The following FRMPD4 variants were observed in gnomAD, a reference collection of about 807,000 sequenced individuals.
FRMPD4 encodes FERM and PDZ domain-containing protein 4.
A neutral mutation model predicts 94.1 loss-of-function variants in FRMPD4; 22 were observed. The observed-to-expected ratio is 0.23, with a 90% CI of 0.17 to 0.33. The LOEUF (loss-of-function observed/expected upper bound fraction) is 0.33, where lower values mean the gene tolerates loss of function less well. Among genes scored for constraint, FRMPD4 ranks in the 10% least tolerant of loss-of-function variants. The probability of loss-of-function intolerance (pLI) is 1.00; values close to 1 mark genes in which losing one functional copy is unlikely to be tolerated. For synonymous variants in FRMPD4, 631 were observed against 548.6 expected (o/e 1.15, Z -2.10); for missense variants, 1,111 against 1,339.9 (o/e 0.83, Z 2.67).
At chrX:12,170,409 C>T (rs6640924) in intron 1 of FRMPD4, among the ~76,000 whole-genome samples, 8,137 of 110,274 alleles carry the variant, frequency 0.074, 890 homozygotes, top group East Asian at 0.6. Flanking sequence ...TGTTAGCATC[C>T]GTGAAATACT....
intron 2 of FRMPD4, among the ~76,000 whole-genome samples, chrX:12,592,868 G>T (rs1456408993): frequency 8.9e-6 from 1 of 111,749 alleles, no homozygotes; most frequent in African/African-American, 3.3e-5. Flanking sequence ...TGTTTTTCTA[G>T]CAGTCTCTGA....
intron 5 of FRMPD4, among the ~76,000 whole-genome samples, chrX:12,679,387 G>A (rs1384355910): frequency 3.6e-5 from 4 of 111,868 alleles, no homozygotes; most frequent in South Asian, 7.6e-4. Flanking sequence ...CAGGGGAGCC[G>A]ATTCAACCAA....
chrX:12,525,161 C>G (rs932796172), intron 2 of FRMPD4, among the ~76,000 whole-genome samples: 1 of 110,833 alleles, frequency 9.0e-6, no homozygotes, highest in South Asian at 3.9e-4. Context: ...TTTAACTAGA[C>G]AACTGATTCT....
At chrX:11,905,455 A>G (rs1483558965) in intron 3 of FRMPD4, among the ~76,000 whole-genome samples, 1 of 111,809 alleles carries the variant, frequency 8.9e-6, no homozygotes, top group East Asian at 2.8e-4. Flanking sequence ...AAATATATTT[A>G]TTGTTCATGT....
chrX:12,064,594 T>C (rs1482049990), intron 3 of FRMPD4, among the ~76,000 whole-genome samples: 1 of 111,800 alleles, frequency 8.9e-6, no homozygotes, highest in Non-Finnish European at 1.9e-5. Flanking sequence ...AATACTTGAA[T>C]GTAGAGCTTT....
chrX:12,526,921 G>A (rs2058230216), intron 2 of FRMPD4, among the ~76,000 whole-genome samples: 1 of 111,601 alleles, frequency 9.0e-6, no homozygotes, highest in East Asian at 2.8e-4. Context: ...AACACATTTA[G>A]TTTTAAGTGC....
chrX:12,052,178 A>G (rs1361389342), intron 3 of FRMPD4, among the ~76,000 whole-genome samples: 1 of 111,810 alleles, frequency 8.9e-6, no homozygotes, highest in Admixed American at 9.5e-5. Flanking sequence ...AAAGACACCA[A>G]GATTTTACCA....
At chrX:12,201,082 GTT>G (rs1426807134) in intron 1 of FRMPD4, among the ~76,000 whole-genome samples, 1 of 112,206 alleles carries the variant, frequency 8.9e-6, no homozygotes, top group African/African-American at 3.2e-5. Context: ...GGAAGGATGG[GTT>G]CTCAAGTGGA....
At chrX:12,369,812 G>C (rs988856054) in intron 1 of FRMPD4, among the ~76,000 whole-genome samples, 1 of 112,275 alleles carries the variant, frequency 8.9e-6, no homozygotes, top group African/African-American at 3.2e-5. Context: ...CTGAGGCCAA[G>C]TTCAGACAAA....
intron 1 of FRMPD4, among the ~76,000 whole-genome samples, chrX:12,364,922 C>T (rs1429016498): frequency 8.9e-6 from 1 of 112,474 alleles, no homozygotes; most frequent in Non-Finnish European, 1.9e-5. Flanking sequence ...GCACATCAGC[C>T]AGGAAAGTTA....
At chrX:12,152,666 A>G (rs1173155023) in intron 1 of FRMPD4, among the ~76,000 whole-genome samples, 5 of 111,438 alleles carry the variant, frequency 4.5e-5, no homozygotes, top group Non-Finnish European at 9.4e-5. Flanking sequence ...AGTTTAATAT[A>G]TTAAAGATAT....
At chrX:12,041,893 G>A (rs1255060592) in intron 3 of FRMPD4, among the ~76,000 whole-genome samples, 2 of 110,695 alleles carry the variant, frequency 1.8e-5, no homozygotes, top group Non-Finnish European at 3.8e-5. Context: ...TCTTTGATTC[G>A]TCTGTGTTCT....
intron 1 of FRMPD4, among the ~76,000 whole-genome samples, chrX:12,323,246 T>C (rs2055237501): frequency 8.9e-6 from 1 of 111,844 alleles, no homozygotes; most frequent in South Asian, 3.7e-4. Context: ...ACTGGCCAAC[T>C]ATACCAGACA....
chrX:12,137,942 T>G (rs1042742969), upstream of FRMPD4, among the ~76,000 whole-genome samples: 2 of 112,033 alleles, frequency 1.8e-5, no homozygotes, highest in Non-Finnish European at 3.8e-5. Flanking sequence ...AGAATTAGCC[T>G]CCGCATCACG....
intron 4 of FRMPD4, among the ~76,000 whole-genome samples, chrX:12,649,217 G>A (rs2059575192): frequency 1.8e-5 from 2 of 112,006 alleles, no homozygotes; most frequent in Admixed American, 9.4e-5. Context: ...CTGAGTACAT[G>A]CAGCGTGCGT....
intron 15 of FRMPD4, 130 bp from the exon 16 acceptor site, chrX:12,717,371 A>C: frequency 3.9e-6 from 2 of 512,437 alleles, no homozygotes; most frequent in Non-Finnish European, 6.5e-6. Flanking sequence ...ACTGCAATAA[A>C]CTCAGAGTCC....
intron 3 of FRMPD4, among the ~76,000 whole-genome samples, chrX:11,896,289 T>A (rs572313951): frequency 1.8e-5 from 2 of 112,303 alleles, no homozygotes; most frequent in Non-Finnish European, 3.8e-5. Context: ...AGTGCCCAAC[T>A]GTGGTGTTTG....
At chrX:12,333,957 T>A (rs1388590010) in intron 1 of FRMPD4, among the ~76,000 whole-genome samples, 1 of 111,797 alleles carries the variant, frequency 8.9e-6, no homozygotes, top group Non-Finnish European at 1.9e-5. Context: ...TTTCCCTAGG[T>A]CTTTAGATAA....
In FRMPD4 at chrX:12,474,373, C is replaced by T. The variant is rs779989392; in HGVS notation, c.42-24307C>T. Among the ~76,000 whole-genome samples, 249 of 110,998 alleles carry T rather than the reference C, an allele frequency of 2.2e-3. 1 individual carries two copies. Among genetic ancestry groups the T allele is most frequent in the African/African-American group, 7.7e-3 (233 of 30,332 alleles). ...AGAGAAAGCAGGAAAGATCTAAAATCAAGACCCTAATATCACAATTAAAAG... is the reference window on the plus strand; with the variant it reads ...AGAGAAAGCAGGAAAGATCTAAAATTAAGACCCTAATATCACAATTAAAAG... On this transcript the variant is annotated intron_variant, in intron 1 of 16. Transcript: ENST00000675598.
Sources: gnomAD v4.1 joint callset for allele counts (sites outside exome capture counted in the v4.1 genomes callset) on GRCh38, gnomAD v4.1.1 for gene constraint, MANE v1.5 for transcripts, NCBI Gene and HGNC (gene_info 2026-07-23, HGNC 2026-07-21) for gene names.